The following MAML3 variants were observed in gnomAD, a reference collection of about 807,000 sequenced individuals.
The protein encoded by MAML3 is mastermind-like protein 3.
A neutral mutation model predicts 101.9 loss-of-function variants in MAML3; 27 were observed. The ratio of observed to expected loss-of-function variants is 0.27; its 90% CI spans 0.20 to 0.37. The LOEUF (loss-of-function observed/expected upper bound fraction) is 0.37, where lower values mean the gene tolerates loss of function less well. Ranked by LOEUF, MAML3 falls within the 10% of genes least tolerant of loss-of-function variation. MAML3 has a pLI of 1.00. For synonymous variants in MAML3, 501 were observed against 555.9 expected (o/e 0.90, Z 1.39); for missense variants, 1,316 against 1,444.9 (o/e 0.91, Z 1.45).
chr4:139,834,425 C>T (rs1007526579), intron 2 of MAML3, among the ~76,000 whole-genome samples: 2 of 152,182 alleles, frequency 1.3e-5, no homozygotes, highest in Non-Finnish European at 2.9e-5. Context: ...GGCGGTAGCA[C>T]GTAGACTGGG....
chr4:140,074,720 C>T (rs917797528), intron 1 of MAML3, among the ~76,000 whole-genome samples: 2 of 152,144 alleles, frequency 1.3e-5, no homozygotes, highest in Admixed American at 1.3e-4. Flanking sequence ...AAAATGATTG[C>T]TTATAGGGGC....
At chr4:139,826,208 C>G (rs1731058353) in intron 2 of MAML3, among the ~76,000 whole-genome samples, 1 of 151,978 alleles carries the variant, frequency 6.6e-6, no homozygotes, top group Admixed American at 6.5e-5. Context: ...TGACCCCGGG[C>G]CCCACCTCAG....
intron 1 of MAML3, among the ~76,000 whole-genome samples, chr4:140,006,187 G>A (rs1462530523): frequency 6.6e-6 from 1 of 152,072 alleles, no homozygotes; most frequent in Non-Finnish European, 1.5e-5. Flanking sequence ...ATATGCTTCT[G>A]TCTTGTTCCT....
intron 1 of MAML3, among the ~76,000 whole-genome samples, chr4:140,001,673 A>C (rs1734927849): frequency 6.6e-6 from 1 of 152,226 alleles, no homozygotes; most frequent in Non-Finnish European, 1.5e-5. Context: ...TTCCCAGTAT[A>C]TCCAGATGAT....
intron 1 of MAML3, among the ~76,000 whole-genome samples, chr4:140,015,773 G>A (rs1352994041): frequency 2.0e-5 from 3 of 152,188 alleles, no homozygotes; most frequent in Non-Finnish European, 4.4e-5. Flanking sequence ...AGCCAACATG[G>A]TGAAATCCTG....
intron 2 of MAML3, among the ~76,000 whole-genome samples, chr4:139,756,352 G>T (rs951111871): frequency 6.6e-6 from 1 of 152,106 alleles, no homozygotes; most frequent in Non-Finnish European, 1.5e-5. Flanking sequence ...TTTTTATTAT[G>T]CTCCATCAAG....
chr4:140,032,254 G>A (rs1726919735), intron 1 of MAML3, among the ~76,000 whole-genome samples: 1 of 152,146 alleles, frequency 6.6e-6, no homozygotes, highest in Admixed American at 6.5e-5. Flanking sequence ...GGCAAGGGAA[G>A]CTAAAAGAGG....
intron 2 of MAML3, among the ~76,000 whole-genome samples, chr4:139,779,509 T>C (rs568955844): frequency 1.3e-5 from 2 of 152,350 alleles, no homozygotes; most frequent in South Asian, 2.1e-4. Context: ...TTTAAGATTG[T>C]TTCTAAAATG....
In MAML3 at chr4:139,754,529, CACT is replaced by C. The variant is rs796187651; in HGVS notation, c.2080-23865_2080-23863del. 1.1e-4 allele frequency among the ~76,000 whole-genome samples: 16 copies of C among 152,324 alleles called. 1 individual carries two copies. The highest frequency in any genetic ancestry group is 3.8e-4 in the African/African-American group (16 of 41,572). On this transcript the variant is annotated intron_variant, in intron 2 of 4. Coordinates refer to ENST00000509479, the MANE Select transcript of MAML3 (RefSeq NM_018717.5). ...GGACATTTAAATAATTTTCAATTTT[CACT>C]ACTTTATGCTGAAATGAACATTCTT...
intron 1 of MAML3, among the ~76,000 whole-genome samples, chr4:139,917,686 A>G (rs750521128): frequency 7.2e-5 from 11 of 152,180 alleles, no homozygotes; most frequent in Non-Finnish European, 1.3e-4. Context: ...AAACGATTAG[A>G]GAGATTCAAA....
intron 1 of MAML3, among the ~76,000 whole-genome samples, chr4:140,071,045 C>A (rs544135707): frequency 6.6e-6 from 1 of 152,208 alleles, no homozygotes; most frequent in Non-Finnish European, 1.5e-5. Flanking sequence ...TTTTTCTGCC[C>A]TGAACTCCAG....
intron 2 of MAML3, among the ~76,000 whole-genome samples, chr4:139,843,272 G>C (rs1423953714): frequency 6.6e-6 from 1 of 152,154 alleles, no homozygotes; most frequent in Non-Finnish European, 1.5e-5. Context: ...ATGGAGCTCA[G>C]CATGCGAAGA....
At chr4:139,991,071 C>G (rs1734662978) in intron 1 of MAML3, among the ~76,000 whole-genome samples, 1 of 152,094 alleles carries the variant, frequency 6.6e-6, no homozygotes, top group Non-Finnish European at 1.5e-5. Context: ...CATATAGAAC[C>G]AAAAGAGAGC....
chr4:139,934,109 ATG>A (rs774477172), intron 1 of MAML3, among the ~76,000 whole-genome samples: 1 of 151,844 alleles, frequency 6.6e-6, no homozygotes, highest in Non-Finnish European at 1.5e-5. Flanking sequence ...GTGTGTGTCT[ATG>A]TGTGTGAATA....
chr4:139,977,886 AC>A (rs1201802617), intron 1 of MAML3, among the ~76,000 whole-genome samples: 4 of 149,684 alleles, frequency 2.7e-5, no homozygotes, highest in African/African-American at 1.0e-4. Context: ...AAAACAAAAA[AC>A]AAAAAACAAA....
At chr4:139,994,721 T>C (rs945579308) in intron 1 of MAML3, among the ~76,000 whole-genome samples, 1 of 152,162 alleles carries the variant, frequency 6.6e-6, no homozygotes, top group African/African-American at 2.4e-5. Flanking sequence ...ATTAATCTTG[T>C]ATCTTGCAAT....
At chr4:140,046,284 G>C (rs562134937) in intron 1 of MAML3, among the ~76,000 whole-genome samples, 1 of 152,126 alleles carries the variant, frequency 6.6e-6, no homozygotes, top group Non-Finnish European at 1.5e-5. Context: ...GTGTGAGATC[G>C]TGGCTAGTTT....
intron 1 of MAML3, among the ~76,000 whole-genome samples, chr4:140,062,109 C>T (rs1200195149): frequency 2.0e-5 from 3 of 152,142 alleles, no homozygotes; most frequent in South Asian, 2.1e-4. Flanking sequence ...CCTCAGATGA[C>T]GCATCACTGT....
intron 1 of MAML3, among the ~76,000 whole-genome samples, chr4:140,145,039 T>C (rs1272890071): frequency 6.6e-6 from 1 of 152,182 alleles, no homozygotes; most frequent in Non-Finnish European, 1.5e-5. Context: ...GTGCAATCCT[T>C]TTGAGTCACA....
Sources: gnomAD v4.1 joint callset for allele counts (sites outside exome capture counted in the v4.1 genomes callset) on GRCh38, gnomAD v4.1.1 for gene constraint, MANE v1.5 for transcripts, NCBI Gene and HGNC (gene_info 2026-07-23, HGNC 2026-07-21) for gene names.